Variants in PIK3R3 observed in about 807,000 individuals in gnomAD.
PIK3R3 encodes the protein phosphoinositide-3-kinase regulatory subunit 3.
In PIK3R3, 64 loss-of-function variants were observed where a neutral mutation model predicts 62.9. That is an observed-to-expected ratio of 1.02 (90% CI 0.83 to 1.25). The LOEUF (loss-of-function observed/expected upper bound fraction) is 1.25. Among genes scored for constraint, PIK3R3 ranks in the 50% most tolerant of loss-of-function variants. The pLI, the probability that PIK3R3 is intolerant of heterozygous loss-of-function variation, is 0.00. For synonymous variants in PIK3R3, 165 were observed against 189.0 expected (o/e 0.87, Z 1.04); for missense variants, 614 against 561.6 (o/e 1.09, Z -0.94).
chr1:46,076,014 T>A (rs938267511), intron 3 of PIK3R3, among the ~76,000 whole-genome samples: 1 of 152,158 alleles, frequency 6.6e-6, no homozygotes, highest in African/African-American at 2.4e-5. Flanking sequence ...AGATAAAATT[T>A]TTTTCTTTCT....
In PIK3R3 at chr1:46,101,980, C is replaced by CTTTTTTT. The variant is rs538688681; in HGVS notation, c.107-21237_107-21231dup. Among the ~76,000 whole-genome samples, 81 of 89,940 alleles carry CTTTTTTT rather than the reference C, an allele frequency of 9.0e-4. 1 individual carries two copies. The highest frequency in any genetic ancestry group is 1.1e-3 in the Non-Finnish European group (57 of 50,440). The allele number at this position is 89,940 out of a possible 152,430, so 59.0% of individuals were successfully genotyped here. On this transcript the variant is annotated intron_variant, in intron 1 of 9. Coordinates refer to ENST00000262741, the MANE Select transcript of PIK3R3 (RefSeq NM_003629.4). ...ATGTATCAAAACATTGAATTGTATA[C>CTTTTTTT]TTTTTTTTTTTTTTTTTTTTTTTTG...
At chr1:46,072,067 T>C (rs976704964) in intron 3 of PIK3R3, among the ~76,000 whole-genome samples, 1 of 152,178 alleles carries the variant, frequency 6.6e-6, no homozygotes, top group African/African-American at 2.4e-5. Flanking sequence ...CTTCAAGATA[T>C]TCTGCAAATG....
chr1:46,132,652 A>G, upstream of PIK3R3: 7 of 1,289,638 alleles, frequency 5.4e-6, no homozygotes, highest in Non-Finnish European at 7.1e-6. Flanking sequence ...CTAGAGTTTC[A>G]TTTTAACGGC....
At chr1:46,080,917 C>A (rs1467133346) in intron 1 of PIK3R3, among the ~76,000 whole-genome samples, 167 bp from the exon 2 acceptor site, 2 of 152,036 alleles carry the variant, frequency 1.3e-5, no homozygotes, top group Non-Finnish European at 2.9e-5. Context: ...CTTTTGATTG[C>A]CTAAAAAGTG....
chr1:46,074,300 AAAAAAAAAAAAAAAAAAC>A (rs1375213402), intron 3 of PIK3R3, among the ~76,000 whole-genome samples: 7 of 138,650 alleles, frequency 5.0e-5, no homozygotes, highest in South Asian at 4.5e-4. Context: ...AAAAAAAAAA[AAAAAAAAAAAAAAAAAAC>A]CAATAAATTC....
chr1:46,122,949 TG>T (rs761550570), intron 1 of PIK3R3, among the ~76,000 whole-genome samples: 1 of 152,052 alleles, frequency 6.6e-6, no homozygotes, highest in Non-Finnish European at 1.5e-5. Flanking sequence ...AAGCTGGGCA[TG>T]GTGACACATG....
At position 46,043,808 on chromosome 1, in the gene PIK3R3, C is replaced by A. The variant is rs777380631; in HGVS notation, c.1251G>T (p.Glu417Asp). 1.2e-6 allele frequency: 2 copies of A among 1,614,150 alleles called. No homozygotes were observed. The highest frequency in any genetic ancestry group is 2.7e-5 in the African/African-American group (2 of 75,046). ...TCAGAGAGCTGTACAGGTTGTAGGGCTCTGCAAAGCCATAGCCCCGAGCAG... is the reference window on the plus strand; with the variant it reads ...TCAGAGAGCTGTACAGGTTGTAGGGATCTGCAAAGCCATAGCCCCGAGCAG... ...YSTARGYGFA[E>D]PYNLYSSLKE... The change falls in exon 10 of 10, where the codon GAG becomes GAT. Residue 417 changes from glutamate to aspartate, a missense_variant. Transcript: ENST00000262741.
chr1:46,059,527 A>G (rs1468275569), intron 6 of PIK3R3, among the ~76,000 whole-genome samples: 3 of 152,226 alleles, frequency 2.0e-5, no homozygotes, highest in Non-Finnish European at 4.4e-5. Flanking sequence ...TTATATTACT[A>G]TTAAAACTTC....
At chr1:46,092,136 T>G (rs1651692968) in intron 1 of PIK3R3, among the ~76,000 whole-genome samples, 1 of 152,192 alleles carries the variant, frequency 6.6e-6, no homozygotes, top group East Asian at 1.9e-4. Flanking sequence ...CACCAAAGAG[T>G]ATAAACTTTA....
chr1:46,087,614 T>TC (rs1651205796), intron 1 of PIK3R3, among the ~76,000 whole-genome samples: 1 of 148,844 alleles, frequency 6.7e-6, no homozygotes, highest in African/African-American at 2.5e-5. Flanking sequence ...TTTTTTTTTT[T>TC]GGTAGACACA....
chr1:46,163,102 A>G, the PIK3R3 span, among the ~76,000 whole-genome samples: 4 of 152,206 alleles, frequency 2.6e-5, no homozygotes, highest in Admixed American at 2.0e-4. Context: ...CCTTTTGGAC[A>G]CCTGAGGGAA....
In PIK3R3 at chr1:46,084,256, A is replaced by G. The variant is rs182523528; in HGVS notation, c.107-3506T>C. ...CAATGGTTGGCTAGGGCTGGGGAGT[A>G]AAGTGGGAAATAGGGAGTGACTGCT... On this transcript the variant is annotated intron_variant, in intron 1 of 9. Transcript: ENST00000262741. Among the ~76,000 whole-genome samples the G allele has an allele frequency of 2.6e-4, 39 of 152,310 alleles. 1 individual carries two copies. The highest frequency in any genetic ancestry group is 9.1e-4 in the African/African-American group (38 of 41,586).
At chr1:46,075,492 T>C (rs1046625953) in intron 3 of PIK3R3, among the ~76,000 whole-genome samples, 3 of 152,058 alleles carry the variant, frequency 2.0e-5, no homozygotes, top group African/African-American at 7.2e-5. Flanking sequence ...TGTGGTGGCA[T>C]GCGCCTTTGG....
At chr1:46,172,562 C>T in the PIK3R3 span, among the ~76,000 whole-genome samples, 1 of 152,150 alleles carries the variant, frequency 6.6e-6, no homozygotes, top group Non-Finnish European at 1.5e-5. Context: ...TGGTGGCCTG[C>T]ACCTGTAGTA....
intron 1 of PIK3R3, among the ~76,000 whole-genome samples, chr1:46,129,605 A>G (rs1655405049): frequency 6.6e-6 from 1 of 152,164 alleles, no homozygotes; most frequent in African/African-American, 2.4e-5. Flanking sequence ...GAAGGAAATA[A>G]TAAGAGCTTG....
At chr1:46,045,646 A>ATTTTTTTTTTTTTTTTTT (rs1571340654) in intron 9 of PIK3R3, among the ~76,000 whole-genome samples, 1 of 13,444 alleles carries the variant, frequency 7.4e-5, no homozygotes, top group Admixed American at 9.0e-4. Context: ...TTTTTTTTTC[A>ATTTTTTTTTTTTTTTTTT]ATTTAAGATC....
rs765089522 is a variant in PIK3R3, at chr1:46,046,575, C to T, written c.992G>A (p.Gly331Glu). The change falls in exon 8 of 10, where the codon GGA (glycine) becomes GAA (glutamate). Residue 331 changes from glycine (G) to glutamate (E), a missense_variant. Transcript: ENST00000262741. ...CTCATCAGCATCCTCATTCTTAATT[C>T]CCAGCCAGACATTCAGGCGTTTCTG... ...VRQKRLNVWL[G>E]IKNEDADENY... is the part of the protein sequence containing the mutation. 3.1e-6 allele frequency: 5 copies of T among 1,613,238 alleles called. No individual in the cohort carries two copies. The highest frequency in any genetic ancestry group is 3.4e-6 in the Non-Finnish European group (4 of 1,179,176).
At chr1:46,149,202 C>G in the PIK3R3 span, among the ~76,000 whole-genome samples, 1 of 152,020 alleles carries the variant, frequency 6.6e-6, no homozygotes, top group Admixed American at 6.6e-5. Flanking sequence ...GCAGGTGGAT[C>G]ACCTGAGGTC....
At chr1:46,097,320 G>A (rs1462867845) in intron 1 of PIK3R3, among the ~76,000 whole-genome samples, 1 of 151,968 alleles carries the variant, frequency 6.6e-6, no homozygotes, top group African/African-American at 2.4e-5. Context: ...ATGGCGAGAG[G>A]ACACCTTGAG....
Sources: allele counts gnomAD v4.1 joint callset (sites outside exome capture counted in the v4.1 genomes callset), GRCh38; gene constraint gnomAD v4.1.1; transcripts MANE v1.5; gene names NCBI Gene and HGNC (gene_info 2026-07-23, HGNC 2026-07-21).